Variants in TECR observed in about 807,000 individuals in gnomAD.
The protein encoded by TECR is trans-2,3-enoyl-CoA reductase, also known as very-long-chain enoyl-CoA reductase.
Under a neutral mutation model 50.6 loss-of-function variants are expected in TECR, and 19 were observed. The ratio of observed to expected loss-of-function variants is 0.38; its 90% confidence interval spans 0.26 to 0.55. The LOEUF (loss-of-function observed/expected upper bound fraction) is 0.55, where lower values mean the gene tolerates loss of function less well. Ranked by LOEUF, TECR falls within the 20% of genes least tolerant of loss-of-function variation. The pLI is 0.79. For missense variants in TECR, 313 were observed against 408.3 expected, an observed-to-expected ratio of 0.77 and a Z score of 2.01; for synonymous variants, 168 against 163.5, an observed-to-expected ratio of 1.03 and a Z score of -0.21.
At chr19:14,552,666 C>A (rs1310402185) in intron 1 of TECR, among the ~76,000 whole-genome samples, 1 of 151,956 alleles carries the variant, frequency 6.6e-6, no homozygotes, top group East Asian at 1.9e-4. Context: ...TCCCGAGTAG[C>A]TGGGACTACA....
Position 14,559,786 on chromosome 19 carries a change from C to CA in TECR, c.16-2724dup, listed in dbSNP as rs5827240. ...TGGGCGACAGAGTGAGACTCTGTCT[C>CA]AAAAAAAAAAAAAAATTATAGAGAC... On this transcript the variant is annotated intron_variant, in intron 1 of 12. Transcript: ENST00000215567. 3.7e-3 allele frequency among the ~76,000 whole-genome samples: 510 copies of CA among 138,984 alleles called. 9 individuals are homozygous for CA. Among genetic ancestry groups the CA allele is most frequent in the East Asian group, 0.017 (75 of 4,474 alleles). 91.2% of individuals were successfully genotyped at this position (138,984 alleles called of 152,430 possible). A position where few individuals can be genotyped will look rare whatever the true frequency, so the allele number is the denominator to read the frequency against.
In TECR at chr19:14,565,600, C is replaced by A; in HGVS notation, c.754-18C>A. ...GGTTGCGAGGCTGCCCACGCTCACT[C>A]TCCGCCCCTGCCCACAGGTGGGGTC... is the stretch of plus-strand genomic sequence containing the variant. On this transcript the variant is annotated intron_variant, in intron 11 of 12. Transcript: ENST00000215567. 1 of 1,608,232 alleles carries A rather than the reference C, an allele frequency of 6.2e-7. No homozygotes were observed. Among genetic ancestry groups the A allele is most frequent in the South Asian group, 1.1e-5 (1 of 90,458 alleles).
chr19:14,548,850 C>T (rs917504206), intron 1 of TECR, among the ~76,000 whole-genome samples: 1 of 152,102 alleles, frequency 6.6e-6, no homozygotes, highest in Non-Finnish European at 1.5e-5. Context: ...GCTGTGATTA[C>T]AGGCGGGAGC....
In TECR at chr19:14,563,603, G is replaced by T. The variant is rs111871356; in HGVS notation, c.119-55G>T. The T allele has an allele frequency of 6.8e-6, 11 of 1,607,900 alleles. No individual in the cohort carries two copies. The highest frequency in any genetic ancestry group is 5.0e-5 in the Admixed American group (3 of 59,938). On this transcript the variant is annotated intron_variant, in intron 3 of 12. Coordinates refer to ENST00000215567, the MANE Select transcript of TECR (RefSeq NM_138501.6). This position sits in a 1 kb window ranked among gnomAD's most constrained non-coding sequence, Gnocchi z 5.3. ...GAAGCTGGCACAGTGGCTGGGCAGC[G>T]GACCGGCTGAGCCCTGCCAGGCTGT...
At chr19:14,558,599 G>A (rs1255848332) in intron 1 of TECR, among the ~76,000 whole-genome samples, 1 of 152,146 alleles carries the variant, frequency 6.6e-6, no homozygotes, top group Non-Finnish European at 1.5e-5. Context: ...CTGTGCCCCA[G>A]GCCAGAGTGC....
intron 1 of TECR, among the ~76,000 whole-genome samples, chr19:14,554,676 C>T (rs950165931): frequency 1.3e-5 from 2 of 152,076 alleles, no homozygotes; most frequent in Non-Finnish European, 2.9e-5. Context: ...GGTGCCTGCT[C>T]CTCCCTCCTT....
chr19:14,533,264 T>C (rs1356909952), intron 1 of TECR, among the ~76,000 whole-genome samples: 2 of 151,178 alleles, frequency 1.3e-5, no homozygotes, highest in Admixed American at 6.6e-5. Context: ...CTACAAAAAA[T>C]AAAAAATTAG....
chr19:14,560,440 G>A (rs2073869005), intron 1 of TECR, among the ~76,000 whole-genome samples: 1 of 152,202 alleles, frequency 6.6e-6, no homozygotes, highest in African/African-American at 2.4e-5. Context: ...CCACAGGGCA[G>A]GCCCCGTGCC....
intron 1 of TECR, among the ~76,000 whole-genome samples, chr19:14,554,388 G>C (rs7252568): frequency 0.99 from 150,220 of 152,316 alleles, 74,078 homozygotes; most frequent in Middle Eastern, 1. Context: ...CAAGCTTCCC[G>C]CTCTGGCCCG....
chr19:14,561,717 C>T (rs781587036), intron 1 of TECR, among the ~76,000 whole-genome samples: 6 of 152,262 alleles, frequency 3.9e-5, no homozygotes, highest in African/African-American at 9.6e-5. Flanking sequence ...CCACACACCC[C>T]GATCCTTTCC....
chr19:14,530,722 TAGC>T (rs1392488483), intron 1 of TECR: 1 of 152,128 alleles, frequency 6.6e-6, no homozygotes, highest in Non-Finnish European at 1.5e-5. Context: ...AAATGAAAAA[TAGC>T]AGGTCGAGCG....
At chr19:14,554,963 G>C (rs1019918883) in intron 1 of TECR, among the ~76,000 whole-genome samples, 2 of 151,564 alleles carry the variant, frequency 1.3e-5, no homozygotes, top group Admixed American at 6.6e-5. Context: ...ATTTTTAGTA[G>C]AGATGGGGTT....
intron 1 of TECR, chr19:14,536,708 A>C (rs2072911415): frequency 6.6e-6 from 1 of 152,104 alleles, no homozygotes. Flanking sequence ...GGGTATTTAC[A>C]TCACGGAAAG....
chr19:14,529,354 C>A, upstream of TECR: 1 of 477,816 alleles, frequency 2.1e-6, no homozygotes, highest in South Asian at 2.3e-5. Context: ...GGCAAAGGGA[C>A]GCGCGGGGCA....
intron 1 of TECR, among the ~76,000 whole-genome samples, chr19:14,551,971 C>CTT (rs1350015805): frequency 1.1e-5 from 1 of 87,852 alleles, no homozygotes; most frequent in African/African-American, 4.6e-5. Flanking sequence ...CTCTCTCTCT[C>CTT]TTTCTCTCTT....
chr19:14,563,076 C>T lies in TECR; in HGVS notation c.67-130C>T. ...TCCTTCCCTGACTGCAGGCAGAGGC[C>T]TGGACCCCAGCCCTTCCCCCTTCCC... On this transcript the variant is annotated intron_variant, in intron 2 of 12. Transcript: ENST00000215567. The surrounding 1 kb of genome is among the most constrained non-coding windows in gnomAD (Gnocchi z 5.3). 3 of 1,196,058 alleles carry T rather than the reference C, an allele frequency of 2.5e-6. No individual in the cohort carries two copies. The highest frequency in any genetic ancestry group is 3.6e-6 in the Non-Finnish European group (3 of 833,428). 74.1% of individuals were successfully genotyped at this position (1,196,058 alleles called of 1,614,324 possible). A position where few individuals can be genotyped will look rare whatever the true frequency, so the allele number is the denominator to read the frequency against.
Position 14,565,024 on chromosome 19 carries a change from G to A in TECR, c.606+32G>A, listed in dbSNP as rs369266034. 5.6e-6 allele frequency: 9 copies of A among 1,613,934 alleles called. No homozygotes were observed. The East Asian group carries it at 1.1e-4, about 20-fold the overall frequency. ...AGGCTGGGTGTGGGGACGGGGTCGG[G>A]GGAGTCTGGGCGGCCCTAGGCTGAT... On this transcript the variant is annotated intron_variant, in intron 9 of 12. Transcript: ENST00000215567.
intron 2 of TECR, 41 bp downstream of exon 2, chr19:14,562,616 G>A (rs780861788): frequency 2.0e-5 from 32 of 1,611,156 alleles, no homozygotes; most frequent in Non-Finnish European, 2.6e-5. Context: ...AAGGGCACTG[G>A]GCCCGGGACC....
At chr19:14,565,169 G>A (rs772383025) in intron 10 of TECR, 33 bp from the exon 11 acceptor site, 3 of 1,613,844 alleles carry the variant, frequency 1.9e-6, no homozygotes, top group South Asian at 2.2e-5. Context: ...TGGGTGAGGG[G>A]GTCTGACTTT....
Sources: allele counts gnomAD v4.1 joint callset (sites outside exome capture counted in the v4.1 genomes callset), GRCh38; gene constraint gnomAD v4.1.1; non-coding constraint Gnocchi (gnomAD v3.1); transcripts MANE v1.5; gene names NCBI Gene and HGNC (gene_info 2026-07-23, HGNC 2026-07-21).